Variants in MSH3 observed in about 807,000 individuals in gnomAD.
MSH3 encodes the protein DNA mismatch repair protein Msh3.
MSH3 carries 106 observed loss-of-function variants against 123.3 expected under a neutral mutation model. That is an observed-to-expected ratio of 0.86 (90% CI 0.73 to 1.01). The LOEUF (loss-of-function observed/expected upper bound fraction) is 1.01, where lower values mean the gene tolerates loss of function less well. Ranked by LOEUF, MSH3 falls within the 50% of genes least tolerant of loss-of-function variation. The probability of loss-of-function intolerance (pLI) is 0.00; values close to 1 mark genes in which losing one functional copy is unlikely to be tolerated. For missense variants in MSH3, 1,459 were observed against 1,347.6 expected (o/e 1.08, Z -1.29); for synonymous variants, 515 against 481.4 (o/e 1.07, Z -0.91).
In MSH3 at chr5:80,876,067, T is replaced by G. The variant is rs761583213; in HGVS notation, c.*205T>G. ...CTAACTTTTCTACGTATAAACACTC[T>G]TGAATAGACTTCCACTTTGTAATTA... On this transcript the variant is annotated 3_prime_UTR_variant, in exon 24 of 24. Coordinates refer to ENST00000265081, the MANE Select transcript of MSH3 (RefSeq NM_002439.5). The G allele has an allele frequency of 3.6e-4, 200 of 552,202 alleles. No homozygotes were observed. The highest frequency in any genetic ancestry group is 5.7e-4 in the Non-Finnish European group (178 of 312,028). 34.2% of individuals were successfully genotyped at this position (552,202 alleles called of 1,614,324 possible).
intron 8 of MSH3, among the ~76,000 whole-genome samples, chr5:80,723,522 A>G (rs1289307671): frequency 3.3e-5 from 5 of 152,336 alleles, no homozygotes; most frequent in African/African-American, 1.2e-4. Flanking sequence ...CAGATCTTAA[A>G]TTTATTAGAA....
At chr5:80,810,182 T>TATATATATATATATATATATATATAG (rs1744984738) in intron 19 of MSH3, among the ~76,000 whole-genome samples, 1 of 124,466 alleles carries the variant, frequency 8.0e-6, no homozygotes, top group African/African-American at 2.6e-5. Context: ...CATATATATA[T>TATATATATATATATATATATATATAG]ATATATATAT....
intron 17 of MSH3, among the ~76,000 whole-genome samples, chr5:80,781,499 G>A (rs181788797): frequency 2.2e-5 from 3 of 136,518 alleles, no homozygotes; most frequent in East Asian, 2.1e-4. Context: ...TTTTTTCCTC[G>A]CTCTGCCACC....
At chr5:80,758,625 G>A (rs1320052135) in intron 12 of MSH3, among the ~76,000 whole-genome samples, 1 of 152,130 alleles carries the variant, frequency 6.6e-6, no homozygotes, top group Non-Finnish European at 1.5e-5. Flanking sequence ...TTTTGCCTGT[G>A]TTGGCACTAG....
chr5:80,700,867 T>A (rs545303097), intron 8 of MSH3, among the ~76,000 whole-genome samples: 48 of 152,306 alleles, frequency 3.2e-4, no homozygotes, highest in Middle Eastern at 3.4e-3. Context: ...TCTTCCTGAT[T>A]ACTACAGAGA....
At chr5:80,771,373 G>A (rs1744210456) in intron 15 of MSH3, among the ~76,000 whole-genome samples, 1 of 151,776 alleles carries the variant, frequency 6.6e-6, no homozygotes, top group Admixed American at 6.6e-5. Flanking sequence ...CTGCTACTCG[G>A]GAGACTAAGG....
chr5:80,749,152 G>A (rs1466584519), intron 12 of MSH3, among the ~76,000 whole-genome samples: 1 of 152,148 alleles, frequency 6.6e-6, no homozygotes, highest in Non-Finnish European at 1.5e-5. Context: ...TGACTTACAT[G>A]ATCACAAGGT....
chr5:80,748,691 TACACACACACACACACACACACACAC>T (rs36206914), intron 12 of MSH3, among the ~76,000 whole-genome samples: 2 of 147,360 alleles, frequency 1.4e-5, no homozygotes, highest in African/African-American at 2.5e-5. Context: ...ATTTTTTATT[TACACACACACACACACACACACACAC>T]ACACACACAC....
At chr5:80,664,453 G>C (rs568612838) in intron 2 of MSH3, among the ~76,000 whole-genome samples, 1 of 151,372 alleles carries the variant, frequency 6.6e-6, no homozygotes, top group African/African-American at 2.4e-5. Flanking sequence ...AGAGGCCGTG[G>C]ATCTCAGCAT....
chr5:80,666,268 T>C (rs1730400782), intron 3 of MSH3, among the ~76,000 whole-genome samples: 1 of 152,194 alleles, frequency 6.6e-6, no homozygotes, highest in Non-Finnish European at 1.5e-5. Context: ...TGGTTCTATA[T>C]ATGTATATGT....
intron 12 of MSH3, 140 bp from the exon 13 acceptor site, chr5:80,761,406 C>A: frequency 9.7e-7 from 1 of 1,035,918 alleles, no homozygotes; most frequent in Non-Finnish European, 1.5e-6. Flanking sequence ...GTCCTTCCCA[C>A]ATGACTATCT....
chr5:80,875,057 T>G (rs1746281601), intron 23 of MSH3, among the ~76,000 whole-genome samples: 1 of 152,254 alleles, frequency 6.6e-6, no homozygotes. Context: ...GGATGGTTAC[T>G]GTGTGTAGAA....
chr5:80,806,930 T>C (rs894677767), intron 19 of MSH3, among the ~76,000 whole-genome samples: 13 of 152,190 alleles, frequency 8.5e-5, no homozygotes, highest in African/African-American at 2.9e-4. Flanking sequence ...TGGCTGGGTA[T>C]GGAGGCTTAC....
chr5:80,839,436 A>G (rs1030887860), intron 20 of MSH3, among the ~76,000 whole-genome samples: 3 of 152,212 alleles, frequency 2.0e-5, no homozygotes, highest in South Asian at 2.1e-4. Flanking sequence ...GGCACGCTCT[A>G]TATTTTTTGA....
intron 8 of MSH3, among the ~76,000 whole-genome samples, chr5:80,689,640 G>A (rs914089285): frequency 2.0e-5 from 3 of 150,872 alleles, no homozygotes; most frequent in Non-Finnish European, 4.4e-5. Context: ...TTGGTATGAA[G>A]GGTGATGTTC....
intron 22 of MSH3, among the ~76,000 whole-genome samples, chr5:80,866,973 A>G (rs897881625): frequency 6.6e-6 from 1 of 152,032 alleles, no homozygotes; most frequent in African/African-American, 2.4e-5. Flanking sequence ...AACTGAACCT[A>G]CTGGTTCCCA....
intron 20 of MSH3, among the ~76,000 whole-genome samples, chr5:80,824,322 G>GC (rs1285442087): frequency 1.3e-5 from 2 of 151,166 alleles, no homozygotes; most frequent in Non-Finnish European, 3.0e-5. Context: ...GGGCGGAGGC[G>GC]CCCCCCACCT....
Position 80,723,384 on chromosome 5 carries a change from A to G in MSH3, c.1341-2069A>G, listed in dbSNP as rs183929785. On this transcript the variant is annotated intron_variant, in intron 8 of 23. Transcript: ENST00000265081. ...AAATGCAATATGCAGTGAAAGTAAC[A>G]TTATAAATCATCAGGGACGTATGGA... Among the ~76,000 whole-genome samples the G allele has an allele frequency of 2.3e-3, 357 of 152,294 alleles. 2 individuals are homozygous for G. The highest frequency in any genetic ancestry group is 4.1e-3 in the Admixed American group (63 of 15,298).
intron 13 of MSH3, 86 bp downstream of exon 13, chr5:80,761,764 A>G (rs1050251111): frequency 7.0e-7 from 1 of 1,421,768 alleles, no homozygotes; most frequent in Non-Finnish European, 9.8e-7. Context: ...TGAGAGCTCT[A>G]TTATTATTTT....
Sources: allele counts gnomAD v4.1 joint callset (sites outside exome capture counted in the v4.1 genomes callset), GRCh38; gene constraint gnomAD v4.1.1; transcripts MANE v1.5; gene names NCBI Gene and HGNC (gene_info 2026-07-23, HGNC 2026-07-21).